Variants in SLIT3 observed in about 807,000 individuals in gnomAD.
SLIT3 encodes the protein slit homolog 3 protein.
A neutral mutation model predicts 184.0 loss-of-function variants in SLIT3; 68 were observed. The ratio of observed to expected loss-of-function variants is 0.37; its 90% CI spans 0.30 to 0.45. The LOEUF is 0.45. Among genes scored for constraint, SLIT3 ranks in the 20% least tolerant of loss-of-function variants. SLIT3 has a pLI of 1.00. For synonymous variants in SLIT3, 831 were observed against 828.6 expected (o/e 1.00, Z -0.05); for missense variants, 1,707 against 2,026.0 (o/e 0.84, Z 3.02).
chr5:169,238,048 G>A (rs1765261987), intron 3 of SLIT3, among the ~76,000 whole-genome samples: 3 of 152,082 alleles, frequency 2.0e-5, no homozygotes, highest in Admixed American at 1.3e-4. Context: ...TTCTGGGCTC[G>A]CTATTCTGTC....
intron 4 of SLIT3, among the ~76,000 whole-genome samples, chr5:168,927,141 G>T (rs552249595): frequency 6.6e-6 from 1 of 152,148 alleles, no homozygotes; most frequent in Admixed American, 6.5e-5. Flanking sequence ...TGGATGAATG[G>T]ATAAACATTT....
chr5:169,014,907 T>C (rs893170591), intron 4 of SLIT3, among the ~76,000 whole-genome samples: 1 of 152,132 alleles, frequency 6.6e-6, no homozygotes, highest in Admixed American at 6.5e-5. Flanking sequence ...GCTGATATCA[T>C]GCCACTGCAT....
At chr5:169,222,979 A>C (rs1329522332) in intron 3 of SLIT3, among the ~76,000 whole-genome samples, 3 of 152,230 alleles carry the variant, frequency 2.0e-5, no homozygotes, top group African/African-American at 4.8e-5. Context: ...CTCACCGGAG[A>C]AACTAGACGC....
chr5:168,851,055 G>A (rs182215269), intron 5 of SLIT3, among the ~76,000 whole-genome samples: 2 of 152,292 alleles, frequency 1.3e-5, no homozygotes, highest in Admixed American at 1.3e-4. Flanking sequence ...CAGGTGCAGC[G>A]GTTCACGCCT....
chr5:169,286,486 C>T (rs1439000766), intron 1 of SLIT3, among the ~76,000 whole-genome samples: 3 of 152,118 alleles, frequency 2.0e-5, no homozygotes, highest in South Asian at 4.2e-4. Flanking sequence ...AAATCCCAGC[C>T]CCCAGAAGTG....
intron 5 of SLIT3, among the ~76,000 whole-genome samples, chr5:168,848,932 G>A (rs6885027): frequency 0.18 from 27,171 of 151,988 alleles, 2,479 homozygotes; most frequent in East Asian, 0.25. Flanking sequence ...TTGTGCTTCA[G>A]AAATTAAAGC....
intron 20 of SLIT3, among the ~76,000 whole-genome samples, chr5:168,736,890 C>T (rs796296174): frequency 1.3e-4 from 20 of 152,284 alleles, no homozygotes; most frequent in African/African-American, 3.8e-4. Context: ...GCAGTGTGAT[C>T]GTCAAAAATT....
rs557440171 is a variant in SLIT3 at position 169,174,896 on chromosome 5, C to G, written c.413+18583G>C. Among the ~76,000 whole-genome samples the G allele has an allele frequency of 3.3e-5, 5 of 152,308 alleles. No individual in the cohort carries two copies. In the South Asian group the frequency reaches 8.3e-4, roughly 25 times the overall value. ...GAATGATTAAAAAAAAAATCTTCCT[C>G]TAAAATGCAACTCCCTTTGACATGC... On this transcript the variant is annotated intron_variant, in intron 4 of 35. Coordinates refer to ENST00000519560, the MANE Select transcript of SLIT3 (RefSeq NM_003062.4).
At chr5:169,081,799 C>T (rs1438181545) in intron 4 of SLIT3, among the ~76,000 whole-genome samples, 1 of 152,192 alleles carries the variant, frequency 6.6e-6, no homozygotes, top group African/African-American at 2.4e-5. Flanking sequence ...TATCCCAGGC[C>T]AGACCCTGTG....
intron 32 of SLIT3, among the ~76,000 whole-genome samples, chr5:168,680,891 C>A (rs980958816): frequency 6.6e-6 from 1 of 152,102 alleles, no homozygotes; most frequent in African/African-American, 2.4e-5. Flanking sequence ...TGGCTCACAC[C>A]TGTAATCCCA....
intron 3 of SLIT3, among the ~76,000 whole-genome samples, chr5:169,212,312 C>A (rs1485218847): frequency 6.6e-6 from 1 of 152,224 alleles, no homozygotes; most frequent in African/African-American, 2.4e-5. Context: ...GATCACCATT[C>A]TAACTGGCAT....
chr5:169,226,085 C>T (rs77720934), intron 3 of SLIT3, among the ~76,000 whole-genome samples: 9,353 of 152,142 alleles, frequency 0.061, 392 homozygotes, highest in Middle Eastern at 0.1. Context: ...CCCATCTCTG[C>T]CCTCCATACC....
intron 4 of SLIT3, among the ~76,000 whole-genome samples, chr5:168,952,550 A>AAAAG (rs59047961): frequency 7.0e-4 from 89 of 128,004 alleles, no homozygotes; most frequent in African/African-American, 3.0e-3. Context: ...AAAAAAAAAG[A>AAAAG]GGGGAGAAGG....
chr5:169,059,117 C>T (rs537068974), intron 4 of SLIT3, among the ~76,000 whole-genome samples: 6 of 152,262 alleles, frequency 3.9e-5, no homozygotes, highest in South Asian at 4.1e-4. Context: ...GGGAGCTAAT[C>T]GCCAGCTCTA....
rs141058025 is a variant in SLIT3 at position 168,685,713 on chromosome 5, G to T, written c.3529C>A (p.Arg1177=). 10 of 1,570,278 alleles carry T rather than the reference G, an allele frequency of 6.4e-6. No homozygotes were observed. The highest frequency in any genetic ancestry group is 8.7e-7 in the Non-Finnish European group (1 of 1,154,232). Residue 1177 remains arginine, a synonymous_variant, in exon 31 of 36, where the codon CGA becomes AGA. Transcript: ENST00000519560. ...TGCAGGGAGATGTTGGCCTGGGGTCGGACCTTGGCGGAGGCCAGTTCCACG... is the reference window on the plus strand; with the variant it reads ...TGCAGGGAGATGTTGGCCTGGGGTCTGACCTTGGCGGAGGCCAGTTCCACG... ...SYVELASAKV[R]PQANISLQVA...
At chr5:168,835,573 C>T (rs1758022827) in intron 6 of SLIT3, among the ~76,000 whole-genome samples, 1 of 151,564 alleles carries the variant, frequency 6.6e-6, no homozygotes, top group Non-Finnish European at 1.5e-5. Flanking sequence ...CTTTGGGAGG[C>T]CGAGGTGGGC....
intron 18 of SLIT3, among the ~76,000 whole-genome samples, chr5:168,750,472 G>A (rs930782223): frequency 6.6e-6 from 1 of 152,248 alleles, no homozygotes; most frequent in Admixed American, 6.5e-5. Context: ...GTGGCTGTAG[G>A]ATGATACAGC....
In SLIT3 at chr5:168,908,212, C is replaced by T. The variant is rs976558393; in HGVS notation, c.414-24876G>A. Among the ~76,000 whole-genome samples the T allele has an allele frequency of 3.3e-5, 5 of 152,060 alleles. No individual in the cohort carries two copies. The East Asian group carries it at 9.7e-4, about 29-fold the overall frequency. ...TTTCCATGCTGTTGCATTCTGAATACTCGTCTTTTTAAATGGTTGCATTAT... is the reference window on the plus strand; with the variant it reads ...TTTCCATGCTGTTGCATTCTGAATATTCGTCTTTTTAAATGGTTGCATTAT... On this transcript the variant is annotated intron_variant, in intron 4 of 35. Coordinates refer to ENST00000519560, the MANE Select transcript of SLIT3 (RefSeq NM_003062.4).
intron 4 of SLIT3, among the ~76,000 whole-genome samples, chr5:169,032,922 A>ATTTTT (rs199911562): frequency 1.4e-4 from 12 of 88,128 alleles, no homozygotes; most frequent in South Asian, 8.4e-4. Flanking sequence ...TTTTTCCTTG[A>ATTTTT]TTTTTTTTTT....
Sources: allele counts gnomAD v4.1 joint callset (sites outside exome capture counted in the v4.1 genomes callset), GRCh38; gene constraint gnomAD v4.1.1; transcripts MANE v1.5; gene names NCBI Gene and HGNC (gene_info 2026-07-23, HGNC 2026-07-21).